CDH22: variants seen among roughly 807,000 people sequenced by gnomAD.
CDH22 encodes cadherin-22.
A neutral mutation model predicts 58.4 loss-of-function variants in CDH22; 30 were observed. That is an observed-to-expected ratio of 0.51 (90% CI 0.38 to 0.70). CDH22 has a LOEUF of 0.70. CDH22 is among the 30% of genes least tolerant of loss of function. The pLI is 0.00. For synonymous variants in CDH22, 513 were observed against 558.2 expected, an observed-to-expected ratio of 0.92 and a Z score of 1.14; for missense variants, 1,014 against 1,233.9, an observed-to-expected ratio of 0.82 and a Z score of 2.67.
intron 1 of CDH22, among the ~76,000 whole-genome samples, chr20:46,296,841 C>A (rs904412949): frequency 1.3e-5 from 2 of 152,220 alleles, no homozygotes; most frequent in Admixed American, 6.5e-5. Context: ...GATTGTTTTT[C>A]TAACCAGAAG....
At chr20:46,239,167 G>A (rs138591113) in intron 3 of CDH22, among the ~76,000 whole-genome samples, 1 of 152,334 alleles carries the variant, frequency 6.6e-6, no homozygotes, top group Non-Finnish European at 1.5e-5. Flanking sequence ...TCCATGAGAG[G>A]AGGGAATCTT....
chr20:46,263,887 G>A (rs534757212), intron 1 of CDH22, among the ~76,000 whole-genome samples: 1 of 152,322 alleles, frequency 6.6e-6, no homozygotes, highest in African/African-American at 2.4e-5. Flanking sequence ...AACTGTGGAT[G>A]TACAAGGCTG....
intron 4 of CDH22, among the ~76,000 whole-genome samples, chr20:46,221,479 T>C (rs1568663335): frequency 6.6e-6 from 1 of 152,164 alleles, no homozygotes; most frequent in Non-Finnish European, 1.5e-5. Flanking sequence ...ATTGGTTCTT[T>C]CATCCTCCAG....
intron 1 of CDH22, among the ~76,000 whole-genome samples, chr20:46,255,322 C>A (rs149575302): frequency 6.6e-6 from 1 of 152,302 alleles, no homozygotes; most frequent in Non-Finnish European, 1.5e-5. Flanking sequence ...AAGATCCCCA[C>A]TTTACAGAGG....
At chr20:46,288,539 A>G (rs1398159016) in intron 1 of CDH22, among the ~76,000 whole-genome samples, 2 of 152,192 alleles carry the variant, frequency 1.3e-5, no homozygotes, top group Non-Finnish European at 2.9e-5. Context: ...TTGCCTGTTC[A>G]GTGCAGATAT....
At chr20:46,186,785 G>C (rs780395034) in intron 9 of CDH22, 41 bp downstream of exon 9, 2 of 1,597,290 alleles carry the variant, frequency 1.3e-6, no homozygotes, top group African/African-American at 1.3e-5. Flanking sequence ...CTGCTGGCCA[G>C]TCCTGGAAGC....
intron 1 of CDH22, among the ~76,000 whole-genome samples, chr20:46,307,961 C>T (rs1220583660): frequency 6.6e-6 from 1 of 151,764 alleles, no homozygotes; most frequent in African/African-American, 2.4e-5. Flanking sequence ...CTCCCGGGCG[C>T]GCGGCGGACG....
chr20:46,292,638 A>G (rs905431853), intron 1 of CDH22, among the ~76,000 whole-genome samples: 12 of 152,024 alleles, frequency 7.9e-5, no homozygotes, highest in Admixed American at 7.2e-4. Context: ...CCTCTCCAGA[A>G]CCCACTCTCC....
chr20:46,255,038 T>A (rs1057485352), intron 1 of CDH22, among the ~76,000 whole-genome samples: 3 of 152,186 alleles, frequency 2.0e-5, no homozygotes, highest in Non-Finnish European at 4.4e-5. Flanking sequence ...TTATTTATTT[T>A]TGAGACGGAA....
At chr20:46,201,106 G>A (rs1276380535) in intron 7 of CDH22, among the ~76,000 whole-genome samples, 1 of 152,234 alleles carries the variant, frequency 6.6e-6, no homozygotes, top group Non-Finnish European at 1.5e-5. Context: ...GAGAGGCCTC[G>A]CCAGCTCCGG....
chr20:46,257,486 G>C (rs2086412285), intron 1 of CDH22, among the ~76,000 whole-genome samples: 1 of 152,144 alleles, frequency 6.6e-6, no homozygotes, highest in Non-Finnish European at 1.5e-5. Context: ...TCAGAAATGG[G>C]GTTCAAGGGA....
intron 3 of CDH22, among the ~76,000 whole-genome samples, chr20:46,240,090 T>A (rs1003811259): frequency 2.0e-5 from 3 of 151,990 alleles, no homozygotes; most frequent in Admixed American, 2.0e-4. Context: ...CATCTCTGTG[T>A]GAGGCTCTGT....
intron 1 of CDH22, among the ~76,000 whole-genome samples, chr20:46,295,910 G>A (rs1460814531): frequency 2.0e-5 from 3 of 152,188 alleles, no homozygotes; most frequent in Non-Finnish European, 4.4e-5. Context: ...TTACAGTCGT[G>A]TGCTGCCACT....
intron 5 of CDH22, 21 bp from the exon 6 acceptor site, chr20:46,213,209 A>G: frequency 6.2e-7 from 1 of 1,610,994 alleles, no homozygotes. Flanking sequence ...CACGGCCATG[A>G]GCAGGGATGA....
chr20:46,303,290 C>G (rs6017767), intron 1 of CDH22, among the ~76,000 whole-genome samples: 60,965 of 152,076 alleles, frequency 0.4, 12,990 homozygotes, highest in East Asian at 0.52. Flanking sequence ...CTTCTCTGCT[C>G]TTATTCCTCC....
intron 1 of CDH22, among the ~76,000 whole-genome samples, chr20:46,268,954 A>G (rs1296951457): frequency 6.6e-6 from 1 of 152,126 alleles, no homozygotes; most frequent in Non-Finnish European, 1.5e-5. Flanking sequence ...GGATGTTCAA[A>G]TCTCTCTTAG....
rs575494570 is a variant in CDH22, at chr20:46,257,316, A to T, written c.-399-5623T>A. Among the ~76,000 whole-genome samples the T allele has an allele frequency of 1.5e-3, 234 of 151,942 alleles. 3 individuals carry two copies. The highest frequency in any genetic ancestry group is 5.4e-3 in the African/African-American group (224 of 41,382). On this transcript the variant is annotated intron_variant, in intron 1 of 11. Transcript: ENST00000537909. ...CCTTGTCTCAAGAAAAAAAAAAAAAATCATGCTGGCTATTGTGTTAAGATA... is the reference window on the plus strand; with the variant it reads ...CCTTGTCTCAAGAAAAAAAAAAAAATTCATGCTGGCTATTGTGTTAAGATA...
At chr20:46,207,568 G>A (rs1187630555) in intron 7 of CDH22, among the ~76,000 whole-genome samples, 3 of 152,220 alleles carry the variant, frequency 2.0e-5, no homozygotes, top group African/African-American at 7.2e-5. Flanking sequence ...GAGTTCAGAG[G>A]CAGTGACAGG....
chr20:46,226,292 C>CTTCT (rs2086174105), intron 4 of CDH22, among the ~76,000 whole-genome samples: 2 of 105,444 alleles, frequency 1.9e-5, no homozygotes, highest in African/African-American at 1.0e-4. Flanking sequence ...TCTTCTTCTT[C>CTTCT]TTTTTTTTTT....
Sources: gnomAD v4.1 joint callset for allele counts (sites outside exome capture counted in the v4.1 genomes callset) on GRCh38, gnomAD v4.1.1 for gene constraint, MANE v1.5 for transcripts, NCBI Gene and HGNC (gene_info 2026-07-23, HGNC 2026-07-21) for gene names.